Variants in NRG3 observed in about 807,000 individuals in gnomAD.
NRG3 encodes pro-neuregulin-3, membrane-bound isoform.
In NRG3, 31 loss-of-function variants were observed where a neutral mutation model predicts 66.9. That is an observed-to-expected ratio of 0.46 (90% CI 0.35 to 0.63). NRG3 has a LOEUF of 0.63. Ranked by LOEUF, NRG3 falls within the 20% of genes least tolerant of loss-of-function variation. NRG3 has a pLI of 0.00. For synonymous variants in NRG3, 393 were observed against 359.4 expected, an observed-to-expected ratio of 1.09 and a Z score of -1.06; for missense variants, 910 against 878.9, an observed-to-expected ratio of 1.04 and a Z score of -0.45.
intron 2 of NRG3, among the ~76,000 whole-genome samples, chr10:82,652,734 G>A (rs1156456540): frequency 2.0e-5 from 3 of 152,158 alleles, no homozygotes; most frequent in African/African-American, 7.2e-5. Flanking sequence ...GTGGGGCTTT[G>A]ACAGGGACCC....
At chr10:81,949,294 C>A (rs1849119638) in intron 1 of NRG3, among the ~76,000 whole-genome samples, 1 of 152,150 alleles carries the variant, frequency 6.6e-6, no homozygotes, top group South Asian at 2.1e-4. Context: ...TAAGAAATTA[C>A]CTCCAGGAAG....
At chr10:82,610,305 C>A (rs200675240) in intron 2 of NRG3, among the ~76,000 whole-genome samples, 69,257 of 151,912 alleles carry the variant, frequency 0.46, 17,484 homozygotes, top group African/African-American at 0.66. Context: ...CAGAGACCCT[C>A]TTGCCGTGTA....
chr10:82,536,136 A>C (rs1306919411), intron 2 of NRG3, among the ~76,000 whole-genome samples: 1 of 152,140 alleles, frequency 6.6e-6, no homozygotes, highest in African/African-American at 2.4e-5. Context: ...TTACACTCTA[A>C]TAATTGATCA....
intron 2 of NRG3, among the ~76,000 whole-genome samples, chr10:82,541,884 G>A (rs1233420024): frequency 1.3e-5 from 2 of 152,070 alleles, no homozygotes; most frequent in Non-Finnish European, 2.9e-5. Context: ...GCTAAATGCT[G>A]TTCCACACTA....
intron 1 of NRG3, among the ~76,000 whole-genome samples, chr10:82,335,820 A>G (rs2082356871): frequency 6.6e-6 from 1 of 152,214 alleles, no homozygotes; most frequent in Admixed American, 6.5e-5. Flanking sequence ...ATATCACACT[A>G]AAGCACTGAA....
At chr10:82,614,036 C>T (rs1305288394) in intron 2 of NRG3, among the ~76,000 whole-genome samples, 1 of 151,820 alleles carries the variant, frequency 6.6e-6, no homozygotes, top group Non-Finnish European at 1.5e-5. Flanking sequence ...AGTAGCTGGG[C>T]CTACAGGTGC....
chr10:82,353,455 C>A (rs997730819), intron 1 of NRG3, among the ~76,000 whole-genome samples: 1 of 152,152 alleles, frequency 6.6e-6, no homozygotes, highest in African/African-American at 2.4e-5. Context: ...TTAATGAATT[C>A]ACCACCACCA....
At chr10:82,126,340 A>G (rs1301537390) in intron 1 of NRG3, among the ~76,000 whole-genome samples, 1 of 152,090 alleles carries the variant, frequency 6.6e-6, no homozygotes, top group East Asian at 1.9e-4. Flanking sequence ...TTCTACAAAC[A>G]TGTAGAACAA....
At chr10:82,375,252 T>A (rs912386643) in intron 2 of NRG3, among the ~76,000 whole-genome samples, 2 of 152,080 alleles carry the variant, frequency 1.3e-5, no homozygotes, top group African/African-American at 4.8e-5. Context: ...AATTACTGAT[T>A]TTTAGCTGGG....
At chr10:82,172,530 T>A (rs1037129686) in intron 1 of NRG3, among the ~76,000 whole-genome samples, 2 of 152,122 alleles carry the variant, frequency 1.3e-5, no homozygotes, top group African/African-American at 4.8e-5. Context: ...CGCTTAAATC[T>A]CAGCTTCAAG....
intron 2 of NRG3, among the ~76,000 whole-genome samples, chr10:82,602,714 A>G (rs1481375941): frequency 6.6e-6 from 1 of 152,188 alleles, no homozygotes; most frequent in African/African-American, 2.4e-5. Context: ...ATAAGTGCTC[A>G]ATAACTATTA....
intron 1 of NRG3, among the ~76,000 whole-genome samples, chr10:81,937,603 TTTG>T (rs1264537747): frequency 2.0e-5 from 3 of 152,126 alleles, no homozygotes; most frequent in South Asian, 2.1e-4. Context: ...ATGGAGTTAT[TTTG>T]TTGTTGTTGA....
chr10:82,460,350 T>C (rs997296255), intron 2 of NRG3, among the ~76,000 whole-genome samples: 2 of 152,212 alleles, frequency 1.3e-5, no homozygotes, highest in Non-Finnish European at 2.9e-5. Context: ...ATAAAGAAAC[T>C]GATAGCTACT....
chr10:82,051,873 T>C (rs1476480497), intron 1 of NRG3, among the ~76,000 whole-genome samples: 1 of 152,108 alleles, frequency 6.6e-6, no homozygotes, highest in African/African-American at 2.4e-5. Flanking sequence ...GAGCTCAAGC[T>C]TCTCATCCAG....
At chr10:82,481,299 C>T (rs1842247006) in intron 2 of NRG3, among the ~76,000 whole-genome samples, 1 of 152,184 alleles carries the variant, frequency 6.6e-6, no homozygotes, top group Non-Finnish European at 1.5e-5. Flanking sequence ...CATGACATTT[C>T]TTCAGCCATT....
intron 2 of NRG3, among the ~76,000 whole-genome samples, chr10:82,613,914 T>C (rs997237999): frequency 3.4e-5 from 5 of 146,214 alleles, no homozygotes; most frequent in African/African-American, 1.0e-4. Context: ...TTTATTTATT[T>C]ATTTTTGAGA....
intron 4 of NRG3, among the ~76,000 whole-genome samples, chr10:82,934,969 T>C (rs1223605955): frequency 6.6e-6 from 1 of 152,182 alleles, no homozygotes; most frequent in African/African-American, 2.4e-5. Context: ...GGCCTATTTA[T>C]ATAAACACTT....
At chr10:82,374,016 G>C (rs2085055114) in intron 2 of NRG3, among the ~76,000 whole-genome samples, 1 of 152,116 alleles carries the variant, frequency 6.6e-6, no homozygotes, top group Non-Finnish European at 1.5e-5. Flanking sequence ...ACTAGGCTTT[G>C]AGTTCATCTG....
intron 1 of NRG3, among the ~76,000 whole-genome samples, chr10:81,888,608 A>G (rs1262224967): frequency 2.0e-5 from 3 of 152,086 alleles, no homozygotes; most frequent in Non-Finnish European, 1.5e-5. Flanking sequence ...AGTAATAGAG[A>G]AGGGAGGCCC....
Sources: allele counts gnomAD v4.1 joint callset (sites outside exome capture counted in the v4.1 genomes callset), GRCh38; gene constraint gnomAD v4.1.1; transcripts MANE v1.5; gene names NCBI Gene and HGNC (gene_info 2026-07-23, HGNC 2026-07-21).